LHFPL3: variants seen among roughly 807,000 people sequenced by gnomAD.
LHFPL3 encodes LHFPL tetraspan subfamily member 3 protein.
Under a neutral mutation model 19.3 loss-of-function variants are expected in LHFPL3, and 5 were observed. The observed-to-expected ratio is 0.26, with a 90% confidence interval of 0.14 to 0.54. The LOEUF (loss-of-function observed/expected upper bound fraction) is 0.54. LHFPL3 is among the 20% of genes least tolerant of loss of function. LHFPL3 has a pLI of 0.94. For synonymous variants in LHFPL3, 133 were observed against 126.2 expected (o/e 1.05, Z -0.36); for missense variants, 249 against 307.4 (o/e 0.81, Z 1.42).
At position 104,895,641 on chromosome 7, in the gene LHFPL3, C is replaced by G. The variant is rs568574528; in HGVS notation, c.683-10546C>G. ...GCTCAATTCTGCTTCATATACAGAACCGGGATTTCTAAAAGAGTCACTCAA... is the reference window on the plus strand; with the variant it reads ...GCTCAATTCTGCTTCATATACAGAAGCGGGATTTCTAAAAGAGTCACTCAA... On this transcript the variant is annotated intron_variant, in intron 2 of 2. Coordinates refer to ENST00000424859, the MANE Select transcript of LHFPL3 (RefSeq NM_199000.3). 3.3e-5 allele frequency: 5 copies of G among 152,258 alleles called. No individual in the cohort carries two copies. The South Asian group carries it at 8.3e-4, about 25-fold the overall frequency. 9.4% of individuals were successfully genotyped at this position (152,258 alleles called of 1,614,324 possible). A position where few individuals can be genotyped will look rare whatever the true frequency, so the allele number is the denominator to read the frequency against.
intron 1 of LHFPL3, among the ~76,000 whole-genome samples, chr7:104,401,148 A>C (rs1172274087): frequency 3.3e-5 from 5 of 151,978 alleles, no homozygotes; most frequent in Non-Finnish European, 5.9e-5. Context: ...TAGCACAAGT[A>C]ATCAGTTATA....
intron 2 of LHFPL3, among the ~76,000 whole-genome samples, chr7:104,741,662 A>G (rs747405563): frequency 6.1e-4 from 93 of 151,942 alleles, no homozygotes; most frequent in Non-Finnish European, 1.1e-3. Context: ...TAGCCTCTGG[A>G]GTAGCTAGGA....
chr7:104,417,849 C>G (rs1297513390), intron 1 of LHFPL3, among the ~76,000 whole-genome samples: 6 of 147,082 alleles, frequency 4.1e-5, no homozygotes, highest in African/African-American at 1.5e-4. Flanking sequence ...TTCGTATTTT[C>G]TTTTCTAATT....
At chr7:104,532,318 CTT>C (rs71155504) in intron 1 of LHFPL3, among the ~76,000 whole-genome samples, 20 of 87,224 alleles carry the variant, frequency 2.3e-4, no homozygotes, top group South Asian at 1.5e-3. Flanking sequence ...TTCTTTCTGT[CTT>C]TTTTTTTTTT....
At chr7:104,671,061 C>A (rs1241449811) in intron 1 of LHFPL3, among the ~76,000 whole-genome samples, 2 of 151,908 alleles carry the variant, frequency 1.3e-5, no homozygotes, top group Non-Finnish European at 2.9e-5. Context: ...TGCCATCAGT[C>A]CTAGATTAGG....
intron 2 of LHFPL3, among the ~76,000 whole-genome samples, chr7:104,753,027 A>G (rs1009552739): frequency 6.6e-6 from 1 of 152,234 alleles, no homozygotes; most frequent in Non-Finnish European, 1.5e-5. Flanking sequence ...GTTTTGACAA[A>G]TGAAATCTTT....
At chr7:104,534,823 G>A (rs1357240549) in intron 1 of LHFPL3, among the ~76,000 whole-genome samples, 1 of 152,104 alleles carries the variant, frequency 6.6e-6, no homozygotes. Context: ...CCTCCATAAA[G>A]TGATAGCTTT....
At chr7:104,490,603 T>G (rs1793323791) in intron 1 of LHFPL3, among the ~76,000 whole-genome samples, 1 of 152,040 alleles carries the variant, frequency 6.6e-6, no homozygotes, top group Non-Finnish European at 1.5e-5. Context: ...TTCTCCACTC[T>G]CCATTGGGTA....
At chr7:104,408,764 T>C (rs372057063) in intron 1 of LHFPL3, among the ~76,000 whole-genome samples, 2 of 152,070 alleles carry the variant, frequency 1.3e-5, no homozygotes, top group East Asian at 3.9e-4. Flanking sequence ...TTCTCACTCA[T>C]TGGAATGAGT....
intron 2 of LHFPL3, among the ~76,000 whole-genome samples, chr7:104,834,420 T>G (rs1010701333): frequency 3.3e-5 from 5 of 152,030 alleles, no homozygotes; most frequent in Admixed American, 2.6e-4. Flanking sequence ...CCTCACTCCC[T>G]TCTGTGTCTC....
chr7:104,652,125 G>A (rs1792044165), intron 1 of LHFPL3, among the ~76,000 whole-genome samples: 1 of 152,164 alleles, frequency 6.6e-6, no homozygotes, highest in South Asian at 2.1e-4. Flanking sequence ...AGGAGGCTTG[G>A]GGACAAGATG....
chr7:104,843,611 G>A (rs1044146359), intron 2 of LHFPL3, among the ~76,000 whole-genome samples: 5 of 152,184 alleles, frequency 3.3e-5, no homozygotes, highest in African/African-American at 1.2e-4. Context: ...CCTGAAAAGA[G>A]CCAACACAGT....
At chr7:104,793,004 T>C (rs533822654) in intron 2 of LHFPL3, among the ~76,000 whole-genome samples, 19 of 152,316 alleles carry the variant, frequency 1.2e-4, no homozygotes, top group Non-Finnish European at 2.8e-4. Flanking sequence ...CAAGTGATTC[T>C]CCTGCCTGAG....
At position 104,606,672 on chromosome 7, in the gene LHFPL3, G is replaced by T. The variant is rs536436192; in HGVS notation, c.446-130003G>T. Among the ~76,000 whole-genome samples the T allele has an allele frequency of 1.3e-4, 20 of 152,282 alleles. No homozygotes were observed. In the South Asian group the frequency reaches 4.2e-3, roughly 32 times the overall value. On this transcript the variant is annotated intron_variant, in intron 1 of 2. Transcript: ENST00000424859. ...AAAAAATCAATCCACTGAAACCTCA[G>T]CATTGCGATGGAGAGTTTAACTAAT...
chr7:104,798,033 G>A lies in LHFPL3; in HGVS notation c.682+61122G>A, dbSNP rs530266750. Among the ~76,000 whole-genome samples the A allele has an allele frequency of 1.2e-4, 19 of 152,170 alleles. No homozygotes were observed. In the East Asian group the frequency reaches 3.5e-3, roughly 28 times the overall value. On this transcript the variant is annotated intron_variant, in intron 2 of 2. Coordinates refer to ENST00000424859, the MANE Select transcript of LHFPL3 (RefSeq NM_199000.3). ...CCTAGGTGGGGTGGCAGTGGGGGGG[G>A]CGGCACTATGTGAGGTGGACACCAG...
intron 1 of LHFPL3, among the ~76,000 whole-genome samples, chr7:104,384,758 G>A (rs1790900393): frequency 7.2e-6 from 1 of 138,518 alleles, no homozygotes; most frequent in South Asian, 2.3e-4. Flanking sequence ...CTGTACTCCA[G>A]CCTAGGCAAC....
chr7:104,412,893 A>G, intron 1 of LHFPL3, among the ~76,000 whole-genome samples: 1 of 152,190 alleles, frequency 6.6e-6, no homozygotes, highest in Non-Finnish European at 1.5e-5. Flanking sequence ...AGTGAGTACC[A>G]TAAATGTGTT....
At chr7:104,866,397 G>C (rs1032443725) in intron 2 of LHFPL3, among the ~76,000 whole-genome samples, 11 of 151,524 alleles carry the variant, frequency 7.3e-5, no homozygotes, top group Non-Finnish European at 1.6e-4. Context: ...CAAGCAAATG[G>C]AAAACAAAAA....
intron 2 of LHFPL3, among the ~76,000 whole-genome samples, chr7:104,862,859 G>A (rs1344047187): frequency 2.6e-5 from 4 of 152,190 alleles, no homozygotes; most frequent in South Asian, 2.1e-4. Context: ...GGATCCCCTA[G>A]CTGCCGAGTC....
Sources: allele counts gnomAD v4.1 joint callset (sites outside exome capture counted in the v4.1 genomes callset), GRCh38; gene constraint gnomAD v4.1.1; transcripts MANE v1.5; gene names NCBI Gene and HGNC (gene_info 2026-07-23, HGNC 2026-07-21).